The following NID1 variants were observed in gnomAD, a reference collection of about 807,000 sequenced individuals.
NID1 encodes the protein nidogen 1, also known as nidogen-1.
NID1 carries 76 observed loss-of-function variants against 130.6 expected under a neutral mutation model. The ratio of observed to expected loss-of-function variants is 0.58; its 90% CI spans 0.48 to 0.70. NID1 has a LOEUF of 0.70. Ranked by LOEUF, NID1 falls within the 30% of genes least tolerant of loss-of-function variation. The pLI is 0.00. For synonymous variants in NID1, 665 were observed against 675.1 expected, an observed-to-expected ratio of 0.98 and a Z score of 0.23; for missense variants, 1,517 against 1,664.8, an observed-to-expected ratio of 0.91 and a Z score of 1.54.
intron 19 of NID1, among the ~76,000 whole-genome samples, chr1:235,978,718 G>A (rs1012297633): frequency 1.3e-5 from 2 of 152,150 alleles, no homozygotes; most frequent in African/African-American, 4.8e-5. Flanking sequence ...TCCTAACATT[G>A]TAATATCCTA....
intron 4 of NID1, among the ~76,000 whole-genome samples, chr1:236,041,269 T>C (rs769820842): frequency 1.3e-5 from 2 of 152,144 alleles, no homozygotes; most frequent in African/African-American, 2.4e-5. Context: ...GGTTTCACCA[T>C]GTTGGCCAGG....
In NID1 at chr1:236,022,629, C is replaced by T. The variant is rs557878551; in HGVS notation, c.2128+1441G>A. On this transcript the variant is annotated intron_variant, in intron 9 of 19. Transcript: ENST00000264187. ...CTGGGATTACAGGTGTGAGCCACTG[C>T]GCCTGGCCTCCTATTTTAAAAAACA... 2.0e-3 allele frequency among the ~76,000 whole-genome samples: 303 copies of T among 151,214 alleles called. 1 individual carries two copies. The highest frequency in any genetic ancestry group is 2.9e-3 in the Non-Finnish European group (197 of 67,790).
At chr1:235,999,671 G>C (rs1466242790) in intron 12 of NID1, among the ~76,000 whole-genome samples, 2 of 152,138 alleles carry the variant, frequency 1.3e-5, no homozygotes, top group Non-Finnish European at 2.9e-5. Flanking sequence ...TTCAAGACCT[G>C]ATACTTATCT....
chr1:236,005,887 T>G (rs1171590393), intron 12 of NID1, among the ~76,000 whole-genome samples: 1 of 152,172 alleles, frequency 6.6e-6, no homozygotes, highest in Non-Finnish European at 1.5e-5. Context: ...GTTCTTTAAC[T>G]AAAGTAACAG....
Position 235,978,953 on chromosome 1 carries a change from T to G in NID1, c.3622+42A>C, listed in dbSNP as rs12032474. ...CCAGAGTGTGGGCTCTGAGCCTCCA[T>G]GTGCCCCCAGTATGCCAACAGTAAC... On this transcript the variant is annotated intron_variant, in intron 19 of 19. Transcript: ENST00000264187. The G allele has an allele frequency of 0.21, 292,428 of 1,382,254 alleles. 36,781 individuals are homozygous for G. Among genetic ancestry groups the G allele is most frequent in the East Asian group, 0.63 (27,589 of 43,588 alleles). The allele number at this position is 1,382,254 out of a possible 1,614,324, so 85.6% of individuals were successfully genotyped here.
chr1:236,029,169 C>A (rs1282452498), intron 7 of NID1, among the ~76,000 whole-genome samples: 11 of 128,716 alleles, frequency 8.5e-5, no homozygotes, highest in African/African-American at 3.8e-4. Flanking sequence ...AGGAGTGAAA[C>A]CCTGTCTCAA....
intron 5 of NID1, among the ~76,000 whole-genome samples, chr1:236,033,652 A>G (rs140281631): frequency 2.6e-5 from 4 of 152,282 alleles, no homozygotes; most frequent in Non-Finnish European, 5.9e-5. Context: ...CAAATTTAAA[A>G]GCCTCCTTAA....
At chr1:236,058,269 C>T (rs545543109) in intron 1 of NID1, among the ~76,000 whole-genome samples, 105 of 152,302 alleles carry the variant, frequency 6.9e-4, no homozygotes, top group Middle Eastern at 3.4e-3. Context: ...GAAAAAGTTC[C>T]TTTAGCAAAG....
intron 9 of NID1, among the ~76,000 whole-genome samples, chr1:236,018,458 G>A (rs1203039867): frequency 6.6e-6 from 1 of 152,228 alleles, no homozygotes; most frequent in Non-Finnish European, 1.5e-5. Context: ...CTAACTCTGG[G>A]AACACGCCCC....
rs775189905 is a variant in NID1, at chr1:236,042,129, C to T, written c.916G>A (p.Glu306Lys). The T allele has an allele frequency of 1.9e-6, 3 of 1,614,078 alleles. No individual in the cohort carries two copies. Among genetic ancestry groups the T allele is most frequent in the Non-Finnish European group, 2.5e-6 (3 of 1,180,050 alleles). ...GAGAAGGGCGTGGTGCCCACATCCT[C>T]CAGGCCCAGACGAGTGGTCGCCAGG... The part of the protein sequence containing the change: ...YDLATTRLGL[E>K]DVGTTPFSYK... Residue 306 changes from glutamate (E) to lysine (K), a missense_variant, in exon 4 of 20, where the codon GAG (glutamate) becomes AAG (lysine). Coordinates refer to ENST00000264187, the MANE Select transcript of NID1 (RefSeq NM_002508.3).
Position 236,029,659 on chromosome 1 carries a change from A to G in NID1, c.1629T>C (p.His543=), listed in dbSNP as rs1659040573. 5.0e-6 allele frequency: 8 copies of G among 1,613,824 alleles called. No homozygotes were observed. The highest frequency in any genetic ancestry group is 5.9e-6 in the Non-Finnish European group (7 of 1,179,950). Residue 543 remains histidine (H), a synonymous_variant, in exon 7 of 20, where the codon CAT becomes CAC. Transcript: ENST00000264187. ...GCTCCGTGTCGATGGTCAGGTGCCC[A>G]TGCTCATCGATGCCGCTGAACCGCT... is the stretch of plus-strand genomic sequence containing the variant. ...IKQRFSGIDE[H]GHLTIDTELE...
chr1:236,004,526 G>T (rs1345036376), intron 12 of NID1, among the ~76,000 whole-genome samples: 1 of 152,180 alleles, frequency 6.6e-6, no homozygotes, highest in Non-Finnish European at 1.5e-5. Context: ...ACTTTGGGAA[G>T]CCAAGGCGAG....
chr1:236,006,546 T>C (rs1018190997), intron 12 of NID1, among the ~76,000 whole-genome samples: 1 of 152,096 alleles, frequency 6.6e-6, no homozygotes, highest in Non-Finnish European at 1.5e-5. Flanking sequence ...CATGGGTTCT[T>C]CAACAGACCA....
At position 236,013,543 on chromosome 1, in the gene NID1, G is replaced by C. The variant is rs1658496053; in HGVS notation, c.2272C>G (p.Pro758Ala). The change falls in exon 11 of 20, where the codon CCC becomes GCC. Residue 758 changes from proline (P) to alanine (A), a missense_variant. Coordinates refer to ENST00000264187, the MANE Select transcript of NID1 (RefSeq NM_002508.3). ...AGGCCAGTTTCACAGTAGTTGATGGGGCGCTGGTCCACGACAGCTTCAGAA... is the reference window on the plus strand; with the variant it reads ...AGGCCAGTTTCACAGTAGTTGATGGCGCGCTGGTCCACGACAGCTTCAGAA... ...GTCVAVVDQR[P>A]INYCETGLHN... The C allele has an allele frequency of 1.9e-6, 3 of 1,614,028 alleles. No individual in the cohort carries two copies. Among genetic ancestry groups the C allele is most frequent in the Admixed American group, 3.3e-5 (2 of 59,996 alleles).
Position 236,048,770 on chromosome 1 carries a change from G to C in NID1, c.445C>G (p.Pro149Ala), listed in dbSNP as rs748622746. Residue 149 changes from proline (P) to alanine (A), a missense_variant, in exon 2 of 20, where the codon CCT (proline) becomes GCT (alanine). Around this residue, in one of 3 missense-constraint regions of NID1, gnomAD observed 1,329 missense variants for 1,429.2 expected, o/e 0.93. Transcript: ENST00000264187. ...CAAGTGACAACCACCGCGCTACTAG[G>C]CTGGAAAGAGATCTCCGGGAACCCT... ...HRGFPEISFQ[P>A]SSAVVVTWES... 52 of 1,613,716 alleles carry C rather than the reference G, an allele frequency of 3.2e-5. No homozygotes were observed. Among genetic ancestry groups the C allele is most frequent in the Non-Finnish European group, 4.2e-5 (50 of 1,180,044 alleles).
chr1:236,021,683 A>C (rs144910962), intron 9 of NID1, among the ~76,000 whole-genome samples: 1 of 152,126 alleles, frequency 6.6e-6, no homozygotes, highest in Non-Finnish European at 1.5e-5. Flanking sequence ...CCATATGTGA[A>C]CACACTATTC....
At chr1:235,990,375 C>G (rs1420691272) in intron 14 of NID1, among the ~76,000 whole-genome samples, 2 of 152,178 alleles carry the variant, frequency 1.3e-5, no homozygotes, top group African/African-American at 4.8e-5. Flanking sequence ...CCAATGATCT[C>G]AGACCCTCCC....
At chr1:236,051,835 T>C (rs539235404) in intron 1 of NID1, among the ~76,000 whole-genome samples, 1 of 152,358 alleles carries the variant, frequency 6.6e-6, no homozygotes, top group Admixed American at 6.5e-5. Flanking sequence ...TTTAAATCAG[T>C]CCATTAATTT....
chr1:236,047,201 A>G (rs1659627647), intron 2 of NID1, among the ~76,000 whole-genome samples: 2 of 152,212 alleles, frequency 1.3e-5, no homozygotes, highest in Non-Finnish European at 2.9e-5. Context: ...AACAGGGTGA[A>G]TCACCAAGAG....
Sources: allele counts gnomAD v4.1 joint callset (sites outside exome capture counted in the v4.1 genomes callset), GRCh38; gene constraint gnomAD v4.1.1; regional missense constraint gnomAD v4.1.1; transcripts MANE v1.5; gene names NCBI Gene and HGNC (gene_info 2026-07-23, HGNC 2026-07-21).